DPYD: variants seen among roughly 807,000 people sequenced by gnomAD.
DPYD encodes the protein dihydropyrimidine dehydrogenase, also known as dihydropyrimidine dehydrogenase [NADP(+)].
A neutral mutation model predicts 116.2 loss-of-function variants in DPYD; 109 were observed. The ratio of observed to expected loss-of-function variants is 0.94; its 90% confidence interval spans 0.80 to 1.10. The LOEUF (loss-of-function observed/expected upper bound fraction) is 1.10, where lower values mean the gene tolerates loss of function less well. Ranked by LOEUF, DPYD falls within the 50% of genes least tolerant of loss-of-function variation. The pLI, the probability that DPYD is intolerant of heterozygous loss-of-function variation, is 0.00. For synonymous variants in DPYD, 440 were observed against 432.0 expected (o/e 1.02, Z -0.23); for missense variants, 1,302 against 1,254.5 (o/e 1.04, Z -0.57).
intron 8 of DPYD, among the ~76,000 whole-genome samples, chr1:97,667,752 T>A (rs1659641917): frequency 6.6e-6 from 1 of 152,104 alleles, no homozygotes; most frequent in African/African-American, 2.4e-5. Context: ...CTCAAAGAAA[T>A]ATCTGTATAA....
intron 22 of DPYD, among the ~76,000 whole-genome samples, chr1:97,081,722 T>C (rs12095939): frequency 0.13 from 12,505 of 93,904 alleles, 747 homozygotes; most frequent in African/African-American, 0.21. Flanking sequence ...CTTTTCTTTT[T>C]TTTTTTTTTT....
intron 8 of DPYD, among the ~76,000 whole-genome samples, chr1:97,607,827 A>C (rs948084813): frequency 2.7e-5 from 4 of 150,390 alleles, no homozygotes; most frequent in Non-Finnish European, 6.0e-5. Context: ...ACTGTAAAGC[A>C]CAAACAGTGT....
At chr1:97,878,565 A>G (rs1029268256) in intron 2 of DPYD, among the ~76,000 whole-genome samples, 6 of 151,878 alleles carry the variant, frequency 4.0e-5, no homozygotes, top group African/African-American at 1.5e-4. Context: ...CATAAAGTCA[A>G]CTCCCAAATC....
rs566463632 is a variant in DPYD, at chr1:97,335,388, G to A, written c.2059-29091C>T. Among the ~76,000 whole-genome samples the A allele has an allele frequency of 4.7e-5, 7 of 150,202 alleles. No homozygotes were observed. The South Asian group carries it at 1.5e-3, about 32-fold the overall frequency. On this transcript the variant is annotated intron_variant, in intron 16 of 22. Coordinates refer to ENST00000370192, the MANE Select transcript of DPYD (RefSeq NM_000110.4). ...ATTCCTGAAGAATCTCAGGAAAAAG[G>A]CAGTCCATGTAACTGTTTAAAAGAG...
intron 20 of DPYD, among the ~76,000 whole-genome samples, chr1:97,139,185 C>T (rs562668320): frequency 2.6e-5 from 4 of 152,070 alleles, no homozygotes; most frequent in Admixed American, 2.6e-4. Context: ...CTATTCTGAT[C>T]GATGCCAGAT....
chr1:97,479,473 A>G (rs1157659271), intron 13 of DPYD, among the ~76,000 whole-genome samples: 2 of 152,206 alleles, frequency 1.3e-5, no homozygotes, highest in Admixed American at 1.3e-4. Context: ...GCTGTCTTAT[A>G]TGGGCATGGT....
At chr1:97,351,208 A>G (rs1607778) in intron 16 of DPYD, among the ~76,000 whole-genome samples, 142,233 of 152,148 alleles carry the variant, frequency 0.93, 67,249 homozygotes, top group East Asian at 1. Context: ...ATTAAAAATT[A>G]GAAGTTTGAA....
chr1:97,366,716 G>A (rs1671059900), intron 16 of DPYD, among the ~76,000 whole-genome samples: 1 of 152,100 alleles, frequency 6.6e-6, no homozygotes, highest in Non-Finnish European at 1.5e-5. Flanking sequence ...TCAAGAACCT[G>A]CAGAAGATGT....
chr1:97,620,096 A>C (rs1460050354), intron 8 of DPYD, among the ~76,000 whole-genome samples: 1 of 151,294 alleles, frequency 6.6e-6, no homozygotes, highest in Non-Finnish European at 1.5e-5. Context: ...CTCAGATTCC[A>C]GTGAGATTTG....
intron 5 of DPYD, among the ~76,000 whole-genome samples, chr1:97,701,286 T>C (rs1452104000): frequency 1.3e-5 from 2 of 150,346 alleles, no homozygotes; most frequent in East Asian, 1.9e-4. Flanking sequence ...GAACATTTCA[T>C]AGCAAGGAAA....
chr1:97,858,400 T>C (rs923892405), intron 2 of DPYD, among the ~76,000 whole-genome samples: 1 of 152,206 alleles, frequency 6.6e-6, no homozygotes, highest in African/African-American at 2.4e-5. Context: ...GCTATTTAAG[T>C]AATTAGGAAA....
At chr1:97,849,252 T>C (rs1344268615) in intron 2 of DPYD, among the ~76,000 whole-genome samples, 4 of 152,194 alleles carry the variant, frequency 2.6e-5, no homozygotes, top group African/African-American at 4.8e-5. Context: ...TATAGACATA[T>C]AGAATAAGAT....
intron 2 of DPYD, among the ~76,000 whole-genome samples, chr1:97,858,692 TA>T (rs532856875): frequency 1.3e-5 from 2 of 151,822 alleles, no homozygotes; most frequent in Non-Finnish European, 2.9e-5. Flanking sequence ...TAAACTGGTT[TA>T]AAAAAAATGA....
Position 97,870,510 on chromosome 1 carries a change from C to T in DPYD, c.150+12754G>A, listed in dbSNP as rs146313249. Among the ~76,000 whole-genome samples, 51 of 151,404 alleles carry T rather than the reference C, an allele frequency of 3.4e-4. No homozygotes were observed. The East Asian group carries it at 7.5e-3, about 22-fold the overall frequency. On this transcript the variant is annotated intron_variant, in intron 2 of 22. Coordinates refer to ENST00000370192, the MANE Select transcript of DPYD (RefSeq NM_000110.4). The stretch of plus-strand genomic sequence containing the variant: ...TTTTAAGTGCATGACTGCAGGAAGG[C>T]GTTTCTCATGCTATTTCTCTGTGGT...
At chr1:97,406,933 T>C (rs1322286825) in intron 14 of DPYD, among the ~76,000 whole-genome samples, 1 of 152,186 alleles carries the variant, frequency 6.6e-6, no homozygotes, top group African/African-American at 2.4e-5. Flanking sequence ...CATGATATTT[T>C]CTTTGCTTTT....
At chr1:97,864,654 GC>G (rs1365795902) in intron 2 of DPYD, among the ~76,000 whole-genome samples, 1 of 151,860 alleles carries the variant, frequency 6.6e-6, no homozygotes, top group Admixed American at 6.6e-5. Flanking sequence ...AGTGAGGATG[GC>G]GACTCGAGAA....
At chr1:97,802,025 T>C (rs1185447581) in intron 3 of DPYD, among the ~76,000 whole-genome samples, 3 of 151,914 alleles carry the variant, frequency 2.0e-5, no homozygotes, top group East Asian at 1.9e-4. Flanking sequence ...AGTATATCAA[T>C]TGAGCTTTTA....
chr1:97,663,256 G>GT (rs1659371182), intron 8 of DPYD, among the ~76,000 whole-genome samples: 1 of 152,070 alleles, frequency 6.6e-6, no homozygotes, highest in African/African-American at 2.4e-5. Flanking sequence ...AATCTCAAAC[G>GT]TAAGAAGTCA....
intron 18 of DPYD, among the ~76,000 whole-genome samples, chr1:97,253,973 A>G (rs1224950518): frequency 6.6e-6 from 1 of 152,172 alleles, no homozygotes; most frequent in Non-Finnish European, 1.5e-5. Context: ...GAATAATAGC[A>G]ATAACAATAA....
Sources: gnomAD v4.1 joint callset for allele counts (sites outside exome capture counted in the v4.1 genomes callset) on GRCh38, gnomAD v4.1.1 for gene constraint, MANE v1.5 for transcripts, NCBI Gene and HGNC (gene_info 2026-07-23, HGNC 2026-07-21) for gene names.